Variants in KCTD1 observed in about 807,000 individuals in gnomAD.
The protein encoded by KCTD1 is BTB/POZ domain-containing protein KCTD1.
Under a neutral mutation model 66.0 loss-of-function variants are expected in KCTD1, and 24 were observed. That is an observed-to-expected ratio of 0.36 (90% CI 0.26 to 0.51). The LOEUF is 0.51. KCTD1 is among the 20% of genes least tolerant of loss of function. The probability of loss-of-function intolerance (pLI) is 0.95; values close to 1 mark genes in which losing one functional copy is unlikely to be tolerated. For synonymous variants in KCTD1, 511 were observed against 517.2 expected, an observed-to-expected ratio of 0.99 and a Z score of 0.16; for missense variants, 943 against 1,205.2, an observed-to-expected ratio of 0.78 and a Z score of 3.22.
At chr18:26,600,121 G>A (rs1568005787) in intron 1 of KCTD1, 2 of 1,610,162 alleles carry the variant, frequency 1.2e-6, no homozygotes, top group Non-Finnish European at 1.7e-6. Flanking sequence ...TTGTGGGGAA[G>A]GGAAAAAGAG....
intron 1 of KCTD1, among the ~76,000 whole-genome samples, chr18:26,579,696 A>G (rs1176559489): frequency 6.6e-6 from 1 of 152,222 alleles, no homozygotes; most frequent in Non-Finnish European, 1.5e-5. Context: ...TCATGTTAGC[A>G]TGCAGAAATA....
intron 2 of KCTD1, among the ~76,000 whole-genome samples, chr18:26,495,437 A>G (rs1431568020): frequency 6.6e-6 from 1 of 152,174 alleles, no homozygotes; most frequent in Non-Finnish European, 1.5e-5. Flanking sequence ...GCACGCCAAA[A>G]GCTGGATTGC....
At chr18:26,508,146 C>T (rs1983143261) in intron 1 of KCTD1, among the ~76,000 whole-genome samples, 2 of 152,204 alleles carry the variant, frequency 1.3e-5, no homozygotes, top group East Asian at 1.9e-4. Context: ...TATACTCTGA[C>T]ATGAAACAGC....
chr18:26,512,267 C>T (rs1983374541), intron 1 of KCTD1, among the ~76,000 whole-genome samples: 1 of 151,988 alleles, frequency 6.6e-6, no homozygotes, highest in African/African-American at 2.4e-5. Context: ...CCACACCCAG[C>T]TAATTTTTTT....
intron 1 of KCTD1, among the ~76,000 whole-genome samples, chr18:26,580,416 CA>C (rs1986324880): frequency 6.6e-6 from 1 of 152,064 alleles, no homozygotes; most frequent in Non-Finnish European, 1.5e-5. Context: ...GCACCTTTAT[CA>C]TTCAGTCAGA....
At chr18:26,560,063 C>T (rs931180891) in intron 1 of KCTD1, among the ~76,000 whole-genome samples, 1 of 151,462 alleles carries the variant, frequency 6.6e-6, no homozygotes, top group African/African-American at 2.4e-5. Flanking sequence ...CTTAGAATCA[C>T]CAGGGGAGCT....
At chr18:26,480,838 G>A (rs530223699) in intron 2 of KCTD1, among the ~76,000 whole-genome samples, 2 of 152,200 alleles carry the variant, frequency 1.3e-5, no homozygotes, top group Admixed American at 1.3e-4. Flanking sequence ...TAATCTCTGA[G>A]GAAACCAAGC....
intron 4 of KCTD1, chr18:26,458,435 C>G (rs189768869): frequency 3.3e-5 from 5 of 152,322 alleles, no homozygotes; most frequent in Admixed American, 3.3e-4. Context: ...AGGGAAAAAA[C>G]TAGAACCCTC....
chr18:26,608,178 A>G (rs1248995898), intron 1 of KCTD1, among the ~76,000 whole-genome samples: 5 of 152,240 alleles, frequency 3.3e-5, no homozygotes. Flanking sequence ...TAAATTTTAA[A>G]TTTTTAATGT....
At chr18:26,483,362 G>A (rs1168014216) in intron 2 of KCTD1, among the ~76,000 whole-genome samples, 1 of 152,108 alleles carries the variant, frequency 6.6e-6, no homozygotes, top group Non-Finnish European at 1.5e-5. Flanking sequence ...TCTGCCTCCT[G>A]GGTCAAAGTG....
intron 1 of KCTD1, among the ~76,000 whole-genome samples, chr18:26,616,242 T>C (rs1448617749): frequency 6.6e-6 from 1 of 151,694 alleles, no homozygotes; most frequent in South Asian, 2.1e-4. Context: ...GGGTCTGTGA[T>C]TGATTGATTG....
intron 1 of KCTD1, among the ~76,000 whole-genome samples, chr18:26,527,971 A>G (rs981584005): frequency 4.6e-5 from 7 of 152,158 alleles, no homozygotes; most frequent in Non-Finnish European, 1.0e-4. Context: ...GAAATCTAGA[A>G]ACTCTCTCTG....
chr18:26,559,204 TA>T (rs1203911110), intron 1 of KCTD1, among the ~76,000 whole-genome samples: 3 of 152,170 alleles, frequency 2.0e-5, no homozygotes, highest in Non-Finnish European at 4.4e-5. Context: ...ACAGGGGGAC[TA>T]TAGTCAACAA....
At chr18:26,643,774 A>T (rs570974515), upstream of KCTD1, among the ~76,000 whole-genome samples, 1 of 152,178 alleles carries the variant, frequency 6.6e-6, no homozygotes, top group Admixed American at 6.5e-5. Flanking sequence ...CATCCTGGCT[A>T]ACACGATGAA....
At chr18:26,512,228 C>T (rs7226778) in intron 1 of KCTD1, among the ~76,000 whole-genome samples, 205 of 152,040 alleles carry the variant, frequency 1.3e-3, no homozygotes, top group African/African-American at 4.7e-3. Context: ...CTCAGCCTCC[C>T]GAGTAGCTGG....
intron 1 of KCTD1, among the ~76,000 whole-genome samples, chr18:26,604,438 T>C (rs1986967563): frequency 6.6e-6 from 1 of 152,234 alleles, no homozygotes; most frequent in African/African-American, 2.4e-5. Context: ...TAAATCATTT[T>C]ACCATAAAGA....
intron 1 of KCTD1, among the ~76,000 whole-genome samples, chr18:26,531,809 G>A (rs1173317599): frequency 2.0e-5 from 3 of 152,204 alleles, no homozygotes; most frequent in Non-Finnish European, 4.4e-5. Context: ...CGGTTTAGCT[G>A]TGAACAGCGG....
intron 1 of KCTD1, among the ~76,000 whole-genome samples, chr18:26,646,984 G>A (rs2145072056): frequency 6.6e-6 from 1 of 152,290 alleles, no homozygotes; most frequent in East Asian, 1.9e-4. Flanking sequence ...TCACCTTGCA[G>A]CAATATACAT....
At chr18:26,534,076 A>AT (rs552753090) in intron 1 of KCTD1, among the ~76,000 whole-genome samples, 1 of 152,068 alleles carries the variant, frequency 6.6e-6, no homozygotes, top group South Asian at 2.1e-4. Context: ...CAATTTGTAT[A>AT]TTTTTTTATG....
Sources: gnomAD v4.1 joint callset for allele counts (sites outside exome capture counted in the v4.1 genomes callset) on GRCh38, gnomAD v4.1.1 for gene constraint, MANE v1.5 for transcripts, NCBI Gene and HGNC (gene_info 2026-07-23, HGNC 2026-07-21) for gene names.